The following CTNND2 variants were observed in gnomAD, a reference collection of about 807,000 sequenced individuals.
CTNND2 encodes the protein catenin delta 2.
Under a neutral mutation model 144.4 loss-of-function variants are expected in CTNND2, and 22 were observed. The observed-to-expected ratio is 0.15, with a 90% confidence interval of 0.11 to 0.22. CTNND2 has a LOEUF of 0.22. Among genes scored for constraint, CTNND2 ranks in the 10% least tolerant of loss-of-function variants. The pLI is 1.00. For synonymous variants in CTNND2, 751 were observed against 695.6 expected, an observed-to-expected ratio of 1.08 and a Z score of -1.25; for missense variants, 1,353 against 1,618.8, an observed-to-expected ratio of 0.84 and a Z score of 2.82.
chr5:11,578,666 C>CATAAATAA (rs1554088025), intron 2 of CTNND2, among the ~76,000 whole-genome samples: 18 of 87,754 alleles, frequency 2.1e-4, no homozygotes, highest in African/African-American at 6.6e-4. Flanking sequence ...ATCACAAATA[C>CATAAATAA]ATGAATAAAT....
chr5:11,308,373 C>T (rs1750471416), intron 9 of CTNND2, among the ~76,000 whole-genome samples: 1 of 152,194 alleles, frequency 6.6e-6, no homozygotes, highest in African/African-American at 2.4e-5. Flanking sequence ...TCTCTCACAA[C>T]TAGCCAGCTC....
intron 12 of CTNND2, among the ~76,000 whole-genome samples, chr5:11,128,453 G>A (rs1385631037): frequency 1.3e-5 from 2 of 151,900 alleles, no homozygotes; most frequent in East Asian, 3.9e-4. Context: ...CTGAAGTTCT[G>A]GCCCAGAGAA....
At chr5:11,379,603 T>A (rs527769294) in intron 7 of CTNND2, among the ~76,000 whole-genome samples, 1 of 152,122 alleles carries the variant, frequency 6.6e-6, no homozygotes, top group African/African-American at 2.4e-5. Context: ...GGAAAAAATA[T>A]AAAAAGTAGG....
intron 2 of CTNND2, among the ~76,000 whole-genome samples, chr5:11,615,583 G>A (rs933251529): frequency 3.3e-5 from 5 of 152,090 alleles, no homozygotes; most frequent in Non-Finnish European, 7.4e-5. Flanking sequence ...CAAAACCCTT[G>A]ATTTTTCAAA....
At chr5:11,082,909 C>T in intron 15 of CTNND2, 63 bp from the exon 16 acceptor site, 1 of 1,563,094 alleles carries the variant, frequency 6.4e-7, no homozygotes, top group Non-Finnish European at 8.7e-7. Flanking sequence ...GCAAATAGTA[C>T]ATTTGCGTTT....
intron 7 of CTNND2, among the ~76,000 whole-genome samples, chr5:11,380,156 C>T (rs945001475): frequency 8.5e-5 from 13 of 152,180 alleles, no homozygotes; most frequent in African/African-American, 2.4e-4. Flanking sequence ...TGACTCTGCG[C>T]GGGGTTTAAA....
intron 1 of CTNND2, among the ~76,000 whole-genome samples, chr5:11,769,827 T>C (rs1431584232): frequency 6.6e-6 from 1 of 152,234 alleles, no homozygotes; most frequent in East Asian, 1.9e-4. Context: ...TAAATATGTA[T>C]AATTTTCTGT....
At chr5:11,028,225 T>C (rs910796054) in intron 16 of CTNND2, among the ~76,000 whole-genome samples, 1 of 152,210 alleles carries the variant, frequency 6.6e-6, no homozygotes, top group African/African-American at 2.4e-5. Context: ...TCAGCTGGAC[T>C]GGAGAGCAAC....
At chr5:11,520,942 C>T in intron 3 of CTNND2, among the ~76,000 whole-genome samples, 1 of 152,104 alleles carries the variant, frequency 6.6e-6, no homozygotes, top group East Asian at 1.9e-4. Context: ...ATTATATAAA[C>T]CTAAGGAAAC....
intron 2 of CTNND2, among the ~76,000 whole-genome samples, chr5:11,706,550 C>T (rs1183887968): frequency 6.6e-6 from 1 of 152,160 alleles, no homozygotes; most frequent in African/African-American, 2.4e-5. Flanking sequence ...AGTGCGTCAT[C>T]ACACTAAAGA....
chr5:11,224,581 G>A (rs1740130946), intron 10 of CTNND2, among the ~76,000 whole-genome samples: 1 of 152,022 alleles, frequency 6.6e-6, no homozygotes, highest in Middle Eastern at 3.4e-3. Flanking sequence ...CTTTTTCTTT[G>A]TGCTGACCTA....
At chr5:11,479,755 A>C (rs1168210598) in intron 3 of CTNND2, among the ~76,000 whole-genome samples, 2 of 148,990 alleles carry the variant, frequency 1.3e-5, no homozygotes, top group African/African-American at 2.5e-5. Context: ...GATCAGTGAT[A>C]CTGAGCTTTT....
intron 3 of CTNND2, among the ~76,000 whole-genome samples, chr5:11,437,191 C>T (rs140828872): frequency 6.9e-4 from 105 of 152,162 alleles, no homozygotes; most frequent in African/African-American, 2.1e-3. Flanking sequence ...TGTGAGTTAC[C>T]GAGTTTCAGA....
At chr5:11,890,049 T>C (rs1736840794) in intron 1 of CTNND2, among the ~76,000 whole-genome samples, 1 of 152,220 alleles carries the variant, frequency 6.6e-6, no homozygotes, top group African/African-American at 2.4e-5. Flanking sequence ...ATATGTTGTG[T>C]ACTTCCAATT....
intron 1 of CTNND2, among the ~76,000 whole-genome samples, chr5:11,807,390 G>T (rs79104674): frequency 0.037 from 5,572 of 152,092 alleles, 339 homozygotes; most frequent in African/African-American, 0.13. Context: ...CCCAGATTTT[G>T]GTACGTACAT....
intron 1 of CTNND2, among the ~76,000 whole-genome samples, chr5:11,817,435 GAGAGAGAGAGAGAGAGAGAGA>G (rs1793042228): frequency 9.1e-5 from 2 of 21,956 alleles, no homozygotes; most frequent in South Asian, 3.4e-3. Context: ...GAGAGAGAGA[GAGAGAGAGAGAGAGAGAGAGA>G]GAGAGAGAAC....
chr5:11,025,450 G>C (rs1399671817), intron 16 of CTNND2, among the ~76,000 whole-genome samples: 1 of 152,178 alleles, frequency 6.6e-6, no homozygotes, highest in Non-Finnish European at 1.5e-5. Flanking sequence ...AATAATTACA[G>C]ATGCAAGTGA....
chr5:11,803,328 A>T (rs201805745), intron 1 of CTNND2, among the ~76,000 whole-genome samples: 1 of 32,846 alleles, frequency 3.0e-5, no homozygotes, highest in Non-Finnish European at 5.0e-4. Context: ...CAAAAAAAAA[A>T]GAAAAAAAAA....
At chr5:11,283,223 G>T (rs1747341746) in intron 9 of CTNND2, among the ~76,000 whole-genome samples, 1 of 152,118 alleles carries the variant, frequency 6.6e-6, no homozygotes, top group Non-Finnish European at 1.5e-5. Context: ...ACAAAATTAA[G>T]ATTTTTTTCC....
Sources: gnomAD v4.1 joint callset for allele counts (sites outside exome capture counted in the v4.1 genomes callset) on GRCh38, gnomAD v4.1.1 for gene constraint, MANE v1.5 for transcripts, NCBI Gene and HGNC (gene_info 2026-07-23, HGNC 2026-07-21) for gene names.